The following TMEM132D variants were observed in gnomAD, a reference collection of about 807,000 sequenced individuals.
The protein encoded by TMEM132D is transmembrane protein 132D.
Under a neutral mutation model 62.3 loss-of-function variants are expected in TMEM132D, and 21 were observed. The ratio of observed to expected loss-of-function variants is 0.34; its 90% CI spans 0.24 to 0.49. TMEM132D has a LOEUF of 0.49. TMEM132D is among the 20% of genes least tolerant of loss of function. The pLI, the probability that TMEM132D is intolerant of heterozygous loss-of-function variation, is 0.99. For synonymous variants in TMEM132D, 621 were observed against 575.6 expected, an observed-to-expected ratio of 1.08 and a Z score of -1.13; for missense variants, 1,346 against 1,402.8, an observed-to-expected ratio of 0.96 and a Z score of 0.65.
chr12:129,629,688 A>C (rs1210822103), intron 2 of TMEM132D, among the ~76,000 whole-genome samples: 1 of 152,114 alleles, frequency 6.6e-6, no homozygotes, highest in African/African-American at 2.4e-5. Context: ...AAAACTATAC[A>C]AACAAACACC....
intron 5 of TMEM132D, among the ~76,000 whole-genome samples, chr12:129,103,262 T>C (rs1017169314): frequency 1.3e-5 from 2 of 152,184 alleles, no homozygotes; most frequent in African/African-American, 2.4e-5. Flanking sequence ...ATTAGGACAG[T>C]AATGCTTCAC....
At chr12:129,483,204 A>T (rs540812991) in intron 3 of TMEM132D, among the ~76,000 whole-genome samples, 106 of 152,318 alleles carry the variant, frequency 7.0e-4, no homozygotes, top group African/African-American at 2.5e-3. Context: ...GTCTGATAGA[A>T]TCTGGCCAAA....
At chr12:129,714,572 AC>A (rs1868493597) in intron 1 of TMEM132D, among the ~76,000 whole-genome samples, 1 of 152,186 alleles carries the variant, frequency 6.6e-6, no homozygotes, top group African/African-American at 2.4e-5. Context: ...CAGTAGACAG[AC>A]TAACATGTAT....
At chr12:129,438,924 A>G (rs748468446) in intron 3 of TMEM132D, among the ~76,000 whole-genome samples, 1 of 152,198 alleles carries the variant, frequency 6.6e-6, no homozygotes, top group Non-Finnish European at 1.5e-5. Context: ...GTACAATAGG[A>G]CACATGGAAT....
intron 3 of TMEM132D, among the ~76,000 whole-genome samples, chr12:129,338,890 T>C (rs1309651102): frequency 6.6e-6 from 1 of 152,100 alleles, no homozygotes; most frequent in Non-Finnish European, 1.5e-5. Flanking sequence ...GGGAGCCTTG[T>C]TCTCAATAGG....
chr12:129,487,401 C>T (rs1874615723), intron 3 of TMEM132D, among the ~76,000 whole-genome samples: 1 of 152,144 alleles, frequency 6.6e-6, no homozygotes, highest in Admixed American at 6.5e-5. Flanking sequence ...TAAAATCACT[C>T]ACTGTCATAT....
At chr12:129,607,119 T>C (rs908463346) in intron 2 of TMEM132D, among the ~76,000 whole-genome samples, 2 of 151,960 alleles carry the variant, frequency 1.3e-5, no homozygotes, top group Middle Eastern at 3.2e-3. Flanking sequence ...GGTCGCAAGA[T>C]TACCTTGTTC....
At chr12:129,785,026 T>C (rs1282281565) in intron 1 of TMEM132D, among the ~76,000 whole-genome samples, 3 of 152,214 alleles carry the variant, frequency 2.0e-5, no homozygotes, top group Non-Finnish European at 2.9e-5. Flanking sequence ...GTGGCACGTT[T>C]ATTTTCGTTG....
chr12:129,807,262 C>G (rs1035374217), intron 1 of TMEM132D, among the ~76,000 whole-genome samples: 1 of 152,164 alleles, frequency 6.6e-6, no homozygotes, highest in African/African-American at 2.4e-5. Context: ...GGAGTCCACC[C>G]GCATTCTCCC....
At chr12:129,688,225 C>G (rs1418651051) in intron 2 of TMEM132D, among the ~76,000 whole-genome samples, 1 of 152,160 alleles carries the variant, frequency 6.6e-6, no homozygotes, top group African/African-American at 2.4e-5. Context: ...ATCAATCATA[C>G]AGGAGAGAGA....
intron 1 of TMEM132D, among the ~76,000 whole-genome samples, chr12:129,881,610 G>A (rs1168568101): frequency 6.6e-6 from 1 of 151,886 alleles, no homozygotes; most frequent in Non-Finnish European, 1.5e-5. Flanking sequence ...GAATCATAAG[G>A]AAGTTATAAG....
intron 2 of TMEM132D, among the ~76,000 whole-genome samples, chr12:129,679,389 T>A (rs1880724526): frequency 6.6e-6 from 1 of 152,080 alleles, no homozygotes; most frequent in Non-Finnish European, 1.5e-5. Flanking sequence ...ATCTATAGAT[T>A]TAGCTCTTCC....
chr12:129,439,820 G>T (rs181473348), intron 3 of TMEM132D, among the ~76,000 whole-genome samples: 10 of 152,172 alleles, frequency 6.6e-5, no homozygotes, highest in African/African-American at 2.2e-4. Context: ...ACCTTTCTTT[G>T]GTAGGATTAT....
chr12:129,128,785 T>C (rs1038754166), intron 5 of TMEM132D, among the ~76,000 whole-genome samples: 1 of 152,152 alleles, frequency 6.6e-6, no homozygotes, highest in Non-Finnish European at 1.5e-5. Context: ...CAGTGTTTAT[T>C]AGCTCCATTT....
chr12:129,476,590 G>A (rs111617273), intron 3 of TMEM132D, among the ~76,000 whole-genome samples: 4 of 152,198 alleles, frequency 2.6e-5, no homozygotes, highest in Non-Finnish European at 4.4e-5. Context: ...CCAAGTTCAC[G>A]CTGAGGCTCA....
At chr12:129,751,234 T>A (rs751671189) in intron 1 of TMEM132D, among the ~76,000 whole-genome samples, 4 of 152,238 alleles carry the variant, frequency 2.6e-5, no homozygotes, top group Non-Finnish European at 5.9e-5. Context: ...TCAGGAAACT[T>A]ACAATCATGG....
chr12:129,194,764 T>A (rs1179734272), intron 5 of TMEM132D, among the ~76,000 whole-genome samples: 3 of 152,198 alleles, frequency 2.0e-5, no homozygotes, highest in Non-Finnish European at 1.5e-5. Context: ...GTGCAGTGAG[T>A]ATACAGGTGT....
chr12:129,897,301 A>G (rs573689363), intron 1 of TMEM132D, among the ~76,000 whole-genome samples: 1 of 152,212 alleles, frequency 6.6e-6, no homozygotes, highest in Admixed American at 6.5e-5. Flanking sequence ...CACAGCATCA[A>G]GCATCCTTCT....
chr12:129,840,274 G>C (rs1408168944), intron 1 of TMEM132D: 1 of 152,116 alleles, frequency 6.6e-6, no homozygotes, highest in Non-Finnish European at 1.5e-5. Context: ...GGGCTCCCCA[G>C]TGACCTTGGG....
Sources: allele counts gnomAD v4.1 joint callset (sites outside exome capture counted in the v4.1 genomes callset), GRCh38; gene constraint gnomAD v4.1.1; transcripts MANE v1.5; gene names NCBI Gene and HGNC (gene_info 2026-07-23, HGNC 2026-07-21).